MIA2: variants seen among roughly 807,000 people sequenced by gnomAD.
The protein encoded by MIA2 is MIA SH3 domain ER export factor 2.
A neutral mutation model predicts 167.8 loss-of-function variants in MIA2; 127 were observed. The ratio of observed to expected loss-of-function variants is 0.76; its 90% CI spans 0.66 to 0.88. The LOEUF (loss-of-function observed/expected upper bound fraction) is 0.88. Ranked by LOEUF, MIA2 falls within the 40% of genes least tolerant of loss-of-function variation. MIA2 has a pLI of 0.00. For missense variants in MIA2, 1,690 were observed against 1,624.7 expected (o/e 1.04, Z -0.69); for synonymous variants, 552 against 541.9 (o/e 1.02, Z -0.26).
At chr14:39,320,651 GCT>G (rs1432202661) in intron 23 of MIA2, among the ~76,000 whole-genome samples, 2 of 151,988 alleles carry the variant, frequency 1.3e-5, no homozygotes, top group Admixed American at 1.3e-4. Flanking sequence ...AATATCCTTT[GCT>G]TAATATAAAT....
chr14:39,265,122 T>C (rs2055393324), intron 6 of MIA2, among the ~76,000 whole-genome samples: 1 of 151,458 alleles, frequency 6.6e-6, no homozygotes, highest in African/African-American at 2.4e-5. Flanking sequence ...TATGTACATT[T>C]TAAAAAACAT....
rs546360780 is a variant in MIA2 at position 39,247,929 on chromosome 14, A to G, written c.1355A>G (p.Asp452Gly). 32 of 1,598,248 alleles carry G rather than the reference A, an allele frequency of 2.0e-5. No individual in the cohort carries two copies. Among genetic ancestry groups the G allele is most frequent in the Non-Finnish European group, 2.5e-5 (29 of 1,176,446 alleles). The change falls in exon 4 of 29, where the codon GAT (aspartate) becomes GGT (glycine). Residue 452 changes from aspartate to glycine, a missense_variant. By Grantham distance (94) the Asp-to-Gly change is moderately conservative. Coordinates refer to ENST00000640607, the MANE Select transcript of MIA2 (RefSeq NM_001329214.4). ...KPVSEKTDES[D>G]TIPYLKKFLY... ...GTCTCAGAAAAAACAGACGAATCTGATACTATACCATATTTGAAAAAGTTC... is the reference window on the plus strand; with the variant it reads ...GTCTCAGAAAAAACAGACGAATCTGGTACTATACCATATTTGAAAAAGTTC...
intron 6 of MIA2, among the ~76,000 whole-genome samples, chr14:39,258,755 T>C (rs775958520): frequency 1.3e-5 from 2 of 152,176 alleles, no homozygotes; most frequent in Non-Finnish European, 2.9e-5. Flanking sequence ...CTGGTGACCT[T>C]TGGATGGGGT....
At chr14:39,244,528 G>A (rs564500577) in intron 3 of MIA2, among the ~76,000 whole-genome samples, 10 of 152,276 alleles carry the variant, frequency 6.6e-5, no homozygotes, top group African/African-American at 2.4e-4. Flanking sequence ...GTACTAGACT[G>A]CAGTGCCAAG....
intron 25 of MIA2, among the ~76,000 whole-genome samples, chr14:39,327,832 G>C (rs1266426261): frequency 6.6e-6 from 1 of 152,154 alleles, no homozygotes; most frequent in Non-Finnish European, 1.5e-5. Context: ...GTATTCCATG[G>C]TGTGTATGTG....
chr14:39,339,854 G>C (rs983958435), intron 25 of MIA2, among the ~76,000 whole-genome samples: 4 of 152,004 alleles, frequency 2.6e-5, no homozygotes, highest in Admixed American at 2.0e-4. Flanking sequence ...TTATTATTTT[G>C]TTTTGTTTTG....
At chr14:39,352,477 C>G (rs1457716455), downstream of MIA2, among the ~76,000 whole-genome samples, 2 of 151,762 alleles carry the variant, frequency 1.3e-5, no homozygotes, top group African/African-American at 4.8e-5. Flanking sequence ...ATCTCAATTC[C>G]CCTTCTTCCT....
intron 25 of MIA2, among the ~76,000 whole-genome samples, chr14:39,334,058 C>A (rs956559850): frequency 6.6e-6 from 1 of 152,184 alleles, no homozygotes; most frequent in Non-Finnish European, 1.5e-5. Context: ...TAAATGACTC[C>A]TGAGGCTCTA....
chr14:39,314,106 C>T (rs1490397029), intron 19 of MIA2, among the ~76,000 whole-genome samples: 1 of 152,184 alleles, frequency 6.6e-6, no homozygotes, highest in Non-Finnish European at 1.5e-5. Flanking sequence ...CCACATCTGG[C>T]CGGGCATGGT....
intron 3 of MIA2, 48 bp from the exon 4 acceptor site, chr14:39,246,863 G>A (rs1352556296): frequency 9.6e-7 from 1 of 1,043,884 alleles, no homozygotes; most frequent in South Asian, 1.9e-5. Flanking sequence ...GAGAAACAAG[G>A]AGCTCTAGTA....
At chr14:39,242,515 G>A (rs531088442) in intron 3 of MIA2, among the ~76,000 whole-genome samples, 25 of 152,054 alleles carry the variant, frequency 1.6e-4, no homozygotes, top group African/African-American at 5.8e-4. Flanking sequence ...TAGAGATGGG[G>A]TTTCACCATG....
chr14:39,316,723 G>A (rs1167617688), intron 21 of MIA2, among the ~76,000 whole-genome samples: 2 of 152,120 alleles, frequency 1.3e-5, no homozygotes, highest in Non-Finnish European at 2.9e-5. Context: ...ACTAAATTAA[G>A]CTGGGCTTGG....
chr14:39,306,611 A>T (rs767120652), intron 17 of MIA2, among the ~76,000 whole-genome samples: 2 of 152,208 alleles, frequency 1.3e-5, no homozygotes, highest in Non-Finnish European at 1.5e-5. Flanking sequence ...TTGGATGGGG[A>T]CACAAAGCCA....
chr14:39,261,953 T>C (rs1035249866), intron 6 of MIA2, among the ~76,000 whole-genome samples: 1 of 152,216 alleles, frequency 6.6e-6, no homozygotes. Flanking sequence ...CTGTTCACTC[T>C]GATGGTAGTT....
intron 9 of MIA2, among the ~76,000 whole-genome samples, chr14:39,284,764 T>TA (rs1471668339): frequency 1.3e-5 from 2 of 152,190 alleles, no homozygotes; most frequent in African/African-American, 4.8e-5. Flanking sequence ...TTTTTATTTT[T>TA]TTTTTATTGA....
At position 39,350,589 on chromosome 14, in the gene MIA2, T is replaced by C. The variant is rs771109220; in HGVS notation, c.*325T>C. On this transcript the variant is annotated 3_prime_UTR_variant, in exon 29 of 29. Transcript: ENST00000640607. ...TCTTTATGCCAAGAACTGTATTTAC[T>C]GTGGTTGTGGACAAATGTGAAAGTA... 4.5e-5 allele frequency: 10 copies of C among 220,004 alleles called. No homozygotes were observed. The highest frequency in any genetic ancestry group is 8.8e-5 in the Non-Finnish European group (10 of 113,486). 13.6% of individuals were successfully genotyped at this position (220,004 alleles called of 1,614,324 possible). A position where few individuals can be genotyped will look rare whatever the true frequency, so the allele number is the denominator to read the frequency against.
Position 39,388,198 on chromosome 14 carries a change from A to G in MIA2, c.*1246A>G, listed in dbSNP as rs2075296466. The G allele has an allele frequency of 6.6e-6, 1 of 152,276 alleles. No homozygotes were observed. The highest frequency in any genetic ancestry group is 1.5e-5 in the Non-Finnish European group (1 of 68,050). 9.4% of individuals were successfully genotyped at this position (152,276 alleles called of 1,614,324 possible). A position where few individuals can be genotyped will look rare whatever the true frequency, so the allele number is the denominator to read the frequency against. On this transcript the variant is annotated 3_prime_UTR_variant, in exon 24 of 24. Transcript: ENST00000341502. The surrounding 1 kb of genome is among the most constrained non-coding windows in gnomAD (Gnocchi z 4.1). Reference sequence around the variant, plus strand: ...ATTAGAATTTAACTTTGGTCAATATACAAAGCTGTTGATAAAGTAAGGCAT... The same window carrying G: ...ATTAGAATTTAACTTTGGTCAATATGCAAAGCTGTTGATAAAGTAAGGCAT...
At chr14:39,386,527 A>T in intron 23 of MIA2, 1 of 1,349,662 alleles carries the variant, frequency 7.4e-7, no homozygotes, top group South Asian at 1.3e-5. Context: ...TTATATTCAC[A>T]TTTCTCCTTT....
chr14:39,328,238 CAT>C (rs1282132489), intron 25 of MIA2, among the ~76,000 whole-genome samples: 3 of 152,198 alleles, frequency 2.0e-5, no homozygotes, highest in Admixed American at 1.3e-4. Flanking sequence ...AGCTTTTTTT[CAT>C]ATGTTTGTTG....
Sources: gnomAD v4.1 joint callset for allele counts (sites outside exome capture counted in the v4.1 genomes callset) on GRCh38, gnomAD v4.1.1 for gene constraint, Gnocchi (gnomAD v3.1) non-coding constraint, MANE v1.5 for transcripts, NCBI Gene and HGNC (gene_info 2026-07-23, HGNC 2026-07-21) for gene names.